CRTAC1: variants seen among roughly 807,000 people sequenced by gnomAD.
The protein encoded by CRTAC1 is acidic secreted protein in cartilage.
In CRTAC1, 37 loss-of-function variants were observed where a neutral mutation model predicts 67.8. The ratio of observed to expected loss-of-function variants is 0.55; its 90% CI spans 0.42 to 0.72. CRTAC1 has a LOEUF of 0.72. CRTAC1 is among the 30% of genes least tolerant of loss of function. The pLI is 0.00. For missense variants in CRTAC1, 780 were observed against 931.6 expected, an observed-to-expected ratio of 0.84 and a Z score of 2.12; for synonymous variants, 348 against 371.0, an observed-to-expected ratio of 0.94 and a Z score of 0.71.
chr10:97,972,197 C>T (rs1001304881), intron 2 of CRTAC1, among the ~76,000 whole-genome samples: 13 of 152,184 alleles, frequency 8.5e-5, no homozygotes, highest in African/African-American at 3.1e-4. Flanking sequence ...AGTTCAAAGA[C>T]CTTTTACTTC....
intron 2 of CRTAC1, among the ~76,000 whole-genome samples, chr10:97,970,170 C>T (rs1422537171): frequency 6.6e-6 from 1 of 152,068 alleles, no homozygotes; most frequent in Non-Finnish European, 1.5e-5. Flanking sequence ...CAAATCCTGT[C>T]GGCTCTACCT....
At chr10:97,881,090 T>G (rs2050207414) in intron 13 of CRTAC1, among the ~76,000 whole-genome samples, 1 of 152,292 alleles carries the variant, frequency 6.6e-6, no homozygotes, top group South Asian at 2.1e-4. Context: ...TGGCTTCCCC[T>G]CTTCCCTCCA....
intron 3 of CRTAC1, among the ~76,000 whole-genome samples, chr10:97,928,780 C>G (rs2050959055): frequency 6.6e-6 from 1 of 151,950 alleles, no homozygotes; most frequent in Non-Finnish European, 1.5e-5. Flanking sequence ...GAAAAAGGCA[C>G]AGAGGGGACA....
At chr10:97,876,818 G>A (rs189125382) in intron 14 of CRTAC1, among the ~76,000 whole-genome samples, 49 of 152,262 alleles carry the variant, frequency 3.2e-4, no homozygotes, top group Middle Eastern at 3.4e-3. Flanking sequence ...GGAATGCTGA[G>A]CCTGGGTAGC....
intron 2 of CRTAC1, among the ~76,000 whole-genome samples, chr10:97,937,218 T>C (rs764956561): frequency 1.2e-4 from 18 of 152,306 alleles, no homozygotes; most frequent in South Asian, 4.2e-4. Flanking sequence ...CTTTCTTGCC[T>C]CAGGGACTTT....
intron 2 of CRTAC1, among the ~76,000 whole-genome samples, chr10:97,959,032 G>A (rs968536468): frequency 6.6e-6 from 1 of 152,184 alleles, no homozygotes; most frequent in African/African-American, 2.4e-5. Flanking sequence ...GACTGTGAAA[G>A]AGCTGCCGGC....
rs1842902704 is a variant in CRTAC1, at chr10:98,011,270, G to A, written c.92C>T (p.Ala31Val). ...FLPITEGSQR[A>V]EPMFTAVTNS... ...GGTGACTGCAGTGAACATGGGTTCA[G>A]CCCGCTGGGACCCCTCAGTGATGGG... The change falls in exon 2 of 15, where the codon GCT (alanine) becomes GTT (valine). Residue 31 changes from alanine to valine, a missense_variant. Coordinates refer to ENST00000370597, the MANE Select transcript of CRTAC1 (RefSeq NM_018058.7). 1 of 1,614,192 alleles carries A rather than the reference G, an allele frequency of 6.2e-7. No individual in the cohort carries two copies. Among genetic ancestry groups the A allele is most frequent in the Non-Finnish European group, 8.5e-7 (1 of 1,180,030 alleles).
At chr10:98,023,350 T>C (rs1243375289) in intron 1 of CRTAC1, among the ~76,000 whole-genome samples, 2 of 152,134 alleles carry the variant, frequency 1.3e-5, no homozygotes, top group East Asian at 3.9e-4. Flanking sequence ...TCAAATCGAA[T>C]ACCAAGGGTC....
At chr10:98,022,124 G>A (rs1843135897) in intron 1 of CRTAC1, among the ~76,000 whole-genome samples, 1 of 152,088 alleles carries the variant, frequency 6.6e-6, no homozygotes, top group Admixed American at 6.5e-5. Context: ...GGGAGGCCGA[G>A]GCGGGCAGAT....
At chr10:97,910,809 C>T (rs1008311249) in intron 5 of CRTAC1, among the ~76,000 whole-genome samples, 2 of 152,182 alleles carry the variant, frequency 1.3e-5, no homozygotes, top group Non-Finnish European at 2.9e-5. Flanking sequence ...GATGGCACTG[C>T]CACTCTTATT....
chr10:97,981,619 T>C (rs965976689), intron 2 of CRTAC1, among the ~76,000 whole-genome samples: 4 of 152,218 alleles, frequency 2.6e-5, no homozygotes, highest in Non-Finnish European at 5.9e-5. Context: ...TTTCTGACCT[T>C]ATATTTCTGA....
intron 2 of CRTAC1, among the ~76,000 whole-genome samples, chr10:97,973,683 T>C (rs543343279): frequency 6.6e-6 from 1 of 152,264 alleles, no homozygotes; most frequent in South Asian, 2.1e-4. Context: ...TGGGCACCAC[T>C]TCCTCCTTCC....
At chr10:98,014,143 G>T (rs1233986371) in intron 1 of CRTAC1, among the ~76,000 whole-genome samples, 1 of 152,130 alleles carries the variant, frequency 6.6e-6, no homozygotes, top group African/African-American at 2.4e-5. Flanking sequence ...TTTTTGGGGG[G>T]TTCAGATAAA....
At chr10:97,870,735 T>C (rs1358043227) in intron 14 of CRTAC1, 1 of 120,966 alleles carries the variant, frequency 8.3e-6, no homozygotes, top group Non-Finnish European at 1.6e-5. Context: ...CTATGTTACG[T>C]GTGTGTGTGT....
intron 14 of CRTAC1, chr10:97,867,851 G>A (rs1329387087): frequency 1.3e-5 from 2 of 152,302 alleles, no homozygotes; most frequent in African/African-American, 2.4e-5. Flanking sequence ...CTGACATGGG[G>A]AGCAGGATGA....
intron 14 of CRTAC1, 163 bp from the exon 15 acceptor site, chr10:97,865,877 C>T (rs904689566): frequency 9.5e-7 from 1 of 1,048,258 alleles, no homozygotes; most frequent in African/African-American, 1.6e-5. Context: ...CCTATGCCCC[C>T]TGTCCCTCAC....
At chr10:98,000,180 T>G (rs1239074814) in intron 2 of CRTAC1, among the ~76,000 whole-genome samples, 1 of 152,128 alleles carries the variant, frequency 6.6e-6, no homozygotes, top group Non-Finnish European at 1.5e-5. Context: ...ATGGCAAGGC[T>G]GAAAGAGCTG....
chr10:98,026,760 G>T (rs1843241409), intron 1 of CRTAC1, among the ~76,000 whole-genome samples: 1 of 152,188 alleles, frequency 6.6e-6, no homozygotes, highest in African/African-American at 2.4e-5. Context: ...AGAGGATTCC[G>T]CCTCTCAGAA....
chr10:97,962,615 C>T (rs562987073), intron 2 of CRTAC1, among the ~76,000 whole-genome samples: 5 of 152,250 alleles, frequency 3.3e-5, no homozygotes, highest in South Asian at 4.1e-4. Flanking sequence ...TTGGCAATGC[C>T]GTGGGGACCA....
Sources: allele counts gnomAD v4.1 joint callset (sites outside exome capture counted in the v4.1 genomes callset), GRCh38; gene constraint gnomAD v4.1.1; transcripts MANE v1.5; gene names NCBI Gene and HGNC (gene_info 2026-07-23, HGNC 2026-07-21).